The following ZNF229 variants were observed in gnomAD, a reference collection of about 807,000 sequenced individuals.
ZNF229 encodes the protein zinc finger protein 229.
Under a neutral mutation model 11.8 loss-of-function variants are expected in ZNF229, and 10 were observed. The observed-to-expected ratio is 0.85, with a 90% confidence interval of 0.52 to 1.44. The LOEUF is 1.44. ZNF229 is among the 40% of genes most tolerant of loss of function. The probability of loss-of-function intolerance (pLI) is 0.00; values close to 1 mark genes in which losing one functional copy is unlikely to be tolerated. For synonymous variants in ZNF229, 368 were observed against 374.8 expected, an observed-to-expected ratio of 0.98 and a Z score of 0.21; for missense variants, 1,045 against 1,015.1, an observed-to-expected ratio of 1.03 and a Z score of -0.40.
At chr19:44,442,258 T>C (rs1971924719) in intron 4 of ZNF229, among the ~76,000 whole-genome samples, 3 of 152,192 alleles carry the variant, frequency 2.0e-5, no homozygotes, top group Non-Finnish European at 2.9e-5. Flanking sequence ...GAGAGTCATC[T>C]CTCTGCTAAT....
intron 2 of ZNF229, among the ~76,000 whole-genome samples, chr19:44,444,278 GACAA>G (rs1971967743): frequency 6.6e-6 from 1 of 152,166 alleles, no homozygotes; most frequent in Admixed American, 6.6e-5. Context: ...GTCAAGTTCA[GACAA>G]ACAGATACAC....
chr19:44,437,484 T>C (rs970369482), intron 4 of ZNF229, among the ~76,000 whole-genome samples: 7 of 152,138 alleles, frequency 4.6e-5, no homozygotes, highest in African/African-American at 1.7e-4. Flanking sequence ...CTGGCAAGGT[T>C]GTGGAGAAAA....
In ZNF229 at chr19:44,432,127, G is replaced by A; in HGVS notation, c.238+95C>T. ...AATTTTTTACAGCAGCTGAAACTAA[G>A]AGTTCTATAAAAATAGGATTTAACC... On this transcript the variant is annotated intron_variant, in intron 5 of 5. Coordinates refer to ENST00000614049, the MANE Select transcript of ZNF229 (RefSeq NM_014518.4). The A allele has an allele frequency of 2.7e-6, 4 of 1,491,208 alleles. No individual in the cohort carries two copies. In the South Asian group the frequency reaches 4.3e-5, roughly 16 times the overall value. 92.4% of individuals were successfully genotyped at this position (1,491,208 alleles called of 1,614,324 possible).
chr19:44,432,129 G>A, intron 5 of ZNF229, 93 bp downstream of exon 5: 1 of 1,495,196 alleles, frequency 6.7e-7, no homozygotes, highest in South Asian at 1.4e-5. Flanking sequence ...GAAACTAAGA[G>A]TTCTATAAAA....
rs777167677 is a variant in ZNF229, at chr19:44,430,456, A to G, written c.325T>C (p.Trp109Arg). The change falls in exon 6 of 6, where the codon TGG becomes CGG. Residue 109 changes from tryptophan (W) to arginine (R), a missense_variant. Coordinates refer to ENST00000614049, the MANE Select transcript of ZNF229 (RefSeq NM_014518.4). Reference sequence around the variant, plus strand: ...GGTAATTCACCTGCCACCTCTTCCCAGATTTTGCATGAGGAGAGCTCTTTG... The same window carrying G: ...GGTAATTCACCTGCCACCTCTTCCCGGATTTTGCATGAGGAGAGCTCTTTG... ...SHKELSSCKI[W>R]EEVAGELPGS... is the part of the protein sequence containing the mutation. 1 of 1,614,140 alleles carries G rather than the reference A, an allele frequency of 6.2e-7. No homozygotes were observed. The highest frequency in any genetic ancestry group is 1.1e-5 in the South Asian group (1 of 91,086).
chr19:44,439,807 C>T (rs1479536543), intron 4 of ZNF229, among the ~76,000 whole-genome samples: 2 of 152,218 alleles, frequency 1.3e-5, no homozygotes, highest in African/African-American at 2.4e-5. Context: ...GATGGATTCA[C>T]ACCTCTTTGT....
At chr19:44,430,619 C>T in intron 5 of ZNF229, 77 bp from the exon 6 acceptor site, 3 of 1,359,142 alleles carry the variant, frequency 2.2e-6, no homozygotes, top group Non-Finnish European at 3.0e-6. Context: ...CAGACTTGAA[C>T]TAATAATAGC....
Position 44,429,139 on chromosome 19 carries a change from C to G in ZNF229, c.1642G>C (p.Glu548Gln). Residue 548 changes from glutamate (E) to glutamine (Q), a missense_variant, in exon 6 of 6, where the codon GAG becomes CAG. By Grantham distance (29) the Glu-to-Gln change is conservative. Coordinates refer to ENST00000614049, the MANE Select transcript of ZNF229 (RefSeq NM_014518.4). ...CTCCGGCCAAAGCTCTTCCCGCACT[C>G]GCATTTGTAGGGTTTCTCTCCTGTG... is the stretch of plus-strand genomic sequence containing the variant. ...LHTGEKPYKC[E>Q]CGKSFGRSSD... 6.2e-7 allele frequency: 1 copy of G among 1,610,706 alleles called. No homozygotes were observed. Among genetic ancestry groups the G allele is most frequent in the Non-Finnish European group, 8.5e-7 (1 of 1,179,038 alleles).
At chr19:44,436,211 A>C (rs1014833389) in intron 4 of ZNF229, among the ~76,000 whole-genome samples, 2 of 152,112 alleles carry the variant, frequency 1.3e-5, no homozygotes, top group African/African-American at 4.8e-5. Flanking sequence ...CATATCTACA[A>C]AAAATAGAAA....
At chr19:44,448,201 C>G (rs535728001) in intron 1 of ZNF229, 108 bp downstream of exon 1, 1 of 152,376 alleles carries the variant, frequency 6.6e-6, no homozygotes, top group Admixed American at 6.5e-5. Flanking sequence ...CAGAGCTGGC[C>G]TCAAACTGCT....
At chr19:44,436,847 A>G (rs539963343) in intron 4 of ZNF229, among the ~76,000 whole-genome samples, 114 of 152,294 alleles carry the variant, frequency 7.5e-4, no homozygotes, top group Non-Finnish European at 1.4e-3. Context: ...AGTCAGGTCC[A>G]TGTGAAATAT....
At chr19:44,431,545 C>T (rs926733725) in intron 5 of ZNF229, among the ~76,000 whole-genome samples, 3 of 152,082 alleles carry the variant, frequency 2.0e-5, no homozygotes, top group Non-Finnish European at 2.9e-5. Context: ...AGAGGTCCCT[C>T]GCTCATTCTG....
At position 44,430,621 on chromosome 19, in the gene ZNF229, A is replaced by G. The variant is rs573745113; in HGVS notation, c.239-79T>C. On this transcript the variant is annotated intron_variant, in intron 5 of 5. Transcript: ENST00000614049. ...GACATCAGACTTTCAGACTTGAACT[A>G]ATAATAGCCTAGAGAAAAATTAGGC... 9.6e-6 allele frequency: 13 copies of G among 1,347,950 alleles called. No individual in the cohort carries two copies. The African/African-American group carries it at 1.8e-4, about 18-fold the overall frequency. The allele number at this position is 1,347,950 out of a possible 1,614,324, so 83.5% of individuals were successfully genotyped here.
intron 4 of ZNF229, among the ~76,000 whole-genome samples, chr19:44,435,743 T>C (rs1205427155): frequency 6.6e-6 from 1 of 152,166 alleles, no homozygotes; most frequent in African/African-American, 2.4e-5. Flanking sequence ...AAAGTAAAAC[T>C]GGATCTAAAT....
rs1971572549 is a variant in ZNF229 at position 44,426,417 on chromosome 19, G to A, written c.*1886C>T. On this transcript the variant is annotated 3_prime_UTR_variant, in exon 6 of 6. Transcript: ENST00000614049. The stretch of plus-strand genomic sequence containing the variant: ...ATACATTCAGAATCCCACCACTAGA[G>A]ATAAGTAGTTATATGTCCTCTCCCA... 1 of 152,124 alleles carries A rather than the reference G, an allele frequency of 6.6e-6. No individual in the cohort carries two copies. The allele number at this position is 152,124 out of a possible 1,614,324, so 9.4% of individuals were successfully genotyped here. A position where few individuals can be genotyped will look rare whatever the true frequency, so the allele number is the denominator to read the frequency against.
chr19:44,429,500 G>A lies in ZNF229; in HGVS notation c.1281C>T (p.His427=), dbSNP rs777804637. ...SSVLQVHQRL[H]TGEKPYTCSE... ...TGCAGGTGTAGGGCTTCTCCCCTGT[G>A]TGCAGCCTCTGATGGACTTGAAGCA... The change falls in exon 6 of 6, where the codon CAC becomes CAT. Residue 427 remains histidine (H), a synonymous_variant. Coordinates refer to ENST00000614049, the MANE Select transcript of ZNF229 (RefSeq NM_014518.4). The A allele has an allele frequency of 6.2e-6, 10 of 1,612,076 alleles. No homozygotes were observed. Among genetic ancestry groups the A allele is most frequent in the Non-Finnish European group, 7.6e-6 (9 of 1,178,660 alleles).
intron 4 of ZNF229, among the ~76,000 whole-genome samples, chr19:44,436,562 C>T (rs983893144): frequency 3.3e-5 from 5 of 152,084 alleles, no homozygotes; most frequent in African/African-American, 1.2e-4. Context: ...GGGAGGATCA[C>T]TTGATTCCAG....
chr19:44,447,918 A>G (rs904613853), intron 1 of ZNF229, among the ~76,000 whole-genome samples: 3 of 152,214 alleles, frequency 2.0e-5, no homozygotes, highest in Non-Finnish European at 4.4e-5. Context: ...GACACTTACA[A>G]GTGAAATTCT....
intron 4 of ZNF229, among the ~76,000 whole-genome samples, chr19:44,433,773 T>C (rs1971765740): frequency 6.6e-6 from 1 of 152,054 alleles, no homozygotes; most frequent in African/African-American, 2.4e-5. Flanking sequence ...TTTTGTTTGT[T>C]TGCTTGTTTT....
Sources: allele counts gnomAD v4.1 joint callset (sites outside exome capture counted in the v4.1 genomes callset), GRCh38; gene constraint gnomAD v4.1.1; transcripts MANE v1.5; gene names NCBI Gene and HGNC (gene_info 2026-07-23, HGNC 2026-07-21).